The following SMARCC2 variants were observed in gnomAD, a reference collection of about 807,000 sequenced individuals.
SMARCC2 encodes SWI/SNF complex subunit SMARCC2.
A neutral mutation model predicts 151.3 loss-of-function variants in SMARCC2; 15 were observed. That is an observed-to-expected ratio of 0.10 (90% CI 0.07 to 0.15). SMARCC2 has a LOEUF of 0.15. SMARCC2 is among the 10% of genes least tolerant of loss of function. The pLI is 1.00. For missense variants in SMARCC2, 1,031 were observed against 1,599.7 expected (o/e 0.64, Z 6.06); for synonymous variants, 590 against 609.5 (o/e 0.97, Z 0.47).
At chr12:56,181,215 C>G in intron 10 of SMARCC2, 114 bp from the exon 11 acceptor site, 1 of 1,030,646 alleles carries the variant, frequency 9.7e-7, no homozygotes, top group East Asian at 2.4e-5. Context: ...GAGCTGAGTA[C>G]AAACAGAAAC....
intron 25 of SMARCC2, 129 bp from the exon 26 acceptor site, chr12:56,168,323 GC>G (rs1873226631): frequency 4.9e-6 from 5 of 1,030,546 alleles, no homozygotes; most frequent in Non-Finnish European, 7.1e-6. Context: ...TGGTGAAAGG[GC>G]TTGACTTTTT....
rs1314725854 is a variant in SMARCC2 at position 56,178,152 on chromosome 12, A to T, written c.1311-59T>A. 8.9e-6 allele frequency: 12 copies of T among 1,353,886 alleles called. No homozygotes were observed. In the East Asian group the frequency reaches 2.3e-4, roughly 26 times the overall value. 83.9% of individuals were successfully genotyped at this position (1,353,886 alleles called of 1,614,324 possible). On this transcript the variant is annotated intron_variant, in intron 14 of 28. Transcript: ENST00000550164. ...GCATTGGTGAAGGGATGGGGGCCCC[A>T]AAGGGAGGAAAAGCCTAGAAGGCAA...
intron 13 of SMARCC2, 126 bp from the exon 14 acceptor site, chr12:56,178,660 C>T: frequency 6.8e-7 from 1 of 1,479,258 alleles, no homozygotes; most frequent in Non-Finnish European, 9.4e-7. Flanking sequence ...TCATGGGCCC[C>T]AGGACTCTGA....
rs760742155 is a variant in SMARCC2 at position 56,178,538 on chromosome 12, C to A, written c.1180-4G>T. 1 of 1,614,180 alleles carries A rather than the reference C, an allele frequency of 6.2e-7. No individual in the cohort carries two copies. Among genetic ancestry groups the A allele is most frequent in the South Asian group, 1.1e-5 (1 of 91,086 alleles). Reference sequence around the variant, plus strand: ...CCGTACTGTTCTCATCCTCATCCTACGAGTATGGAGGCTGCTGGACACTCA... The same window carrying A: ...CCGTACTGTTCTCATCCTCATCCTAAGAGTATGGAGGCTGCTGGACACTCA... On this transcript the variant is annotated splice_polypyrimidine_tract_variant and splice_region_variant and intron_variant, in intron 13 of 28. Transcript: ENST00000550164.
chr12:56,178,777 TAG>T (rs1565912698), intron 13 of SMARCC2, 31 bp downstream of exon 13: 2 of 1,601,906 alleles, frequency 1.2e-6, no homozygotes, highest in East Asian at 2.2e-5. Flanking sequence ...CAGAATCACA[TAG>T]AGAGGTAGGG....
At position 56,171,126 on chromosome 12, in the gene SMARCC2, TA is replaced by T; in HGVS notation, c.2347+144del. The T allele has an allele frequency of 1.3e-6, 1 of 757,670 alleles. No individual in the cohort carries two copies. The highest frequency in any genetic ancestry group is 2.1e-6 in the Non-Finnish European group (1 of 473,968). 46.9% of individuals were successfully genotyped at this position (757,670 alleles called of 1,614,324 possible). On this transcript the variant is annotated intron_variant, in intron 22 of 28. Coordinates refer to ENST00000550164, the MANE Select transcript of SMARCC2 (RefSeq NM_001330288.2). This position sits in a 1 kb window ranked among gnomAD's most constrained non-coding sequence, Gnocchi z 4.2. ...TAGTAGGGCTCCAGAGCCCCTGAGG[TA>T]AACTCATGGGGAAAATAAAAACCCT...
Position 56,164,499 on chromosome 12 carries a change from C to T in SMARCC2, c.3465G>A (p.Pro1155=), listed in dbSNP as rs143965010. 26 of 1,613,992 alleles carry T rather than the reference C, an allele frequency of 1.6e-5. No homozygotes were observed. Among genetic ancestry groups the T allele is most frequent in the African/African-American group, 1.1e-4 (8 of 74,978 alleles). The change falls in exon 28 of 29, where the codon CCG becomes CCA. Residue 1155 remains proline (P), a synonymous_variant. Transcript: ENST00000550164. ...PNLHGHHHHL[P]FAPGTLPPPN... ...GTGGGGGGAGAGTGCCCGGGGCGAA[C>T]GGGAGATGGTGGTGATGCCCATGCA...
At chr12:56,184,968 G>C in intron 4 of SMARCC2, 32 bp from the exon 5 acceptor site, 1 of 1,594,296 alleles carries the variant, frequency 6.3e-7, no homozygotes, top group African/African-American at 1.3e-5. Context: ...TGAGATTATA[G>C]GAAAGGGGTG....
At chr12:56,175,931 T>G (rs1168828736) in intron 15 of SMARCC2, among the ~76,000 whole-genome samples, 7 of 152,132 alleles carry the variant, frequency 4.6e-5, no homozygotes, top group Non-Finnish European at 2.9e-5. Flanking sequence ...AGATCTTGGC[T>G]CACTGCAACC....
chr12:56,172,770 GA>G, intron 18 of SMARCC2, 66 bp from the exon 19 acceptor site: 3 of 1,603,858 alleles, frequency 1.9e-6, no homozygotes, highest in Non-Finnish European at 2.5e-6. Flanking sequence ...CTGACAGAGA[GA>G]AAAAACAGAC....
chr12:56,166,817 G>C (rs968599336), intron 26 of SMARCC2, among the ~76,000 whole-genome samples: 1 of 151,762 alleles, frequency 6.6e-6, no homozygotes, highest in Non-Finnish European at 1.5e-5. Flanking sequence ...AAATCCCAGC[G>C]CTTTGGGAGG....
At chr12:56,165,841 C>T (rs763322914) in intron 26 of SMARCC2, 142 bp from the exon 27 acceptor site, 24 of 786,844 alleles carry the variant, frequency 3.1e-5, no homozygotes, top group Non-Finnish European at 4.8e-5. Flanking sequence ...GCTTGTGCTC[C>T]CTCTGTCCTC....
chr12:56,164,234 C>T, intron 28 of SMARCC2, 69 bp downstream of exon 28: 3 of 1,443,074 alleles, frequency 2.1e-6, no homozygotes, highest in South Asian at 1.2e-5. Flanking sequence ...TCTTCCCCAC[C>T]TGCCCGCTCA....
At chr12:56,172,254 A>G in intron 20 of SMARCC2, 174 bp downstream of exon 20, 1 of 583,520 alleles carries the variant, frequency 1.7e-6, no homozygotes, top group Non-Finnish European at 2.9e-6. Flanking sequence ...CTAATTTTTA[A>G]AATTTTTCGT....
rs1266488358 is a variant in SMARCC2, at chr12:56,163,140, T to TG, written c.*548dup. Reference sequence around the variant, plus strand: ...TCAGCGTAGGGTGGGGGAGGGGAGTTGGGGCCTTGACTTAGTCACTAAAAA... The same window carrying TG: ...TCAGCGTAGGGTGGGGGAGGGGAGTTGGGGGCCTTGACTTAGTCACTAAAAA... On this transcript the variant is annotated 3_prime_UTR_variant, in exon 29 of 29. Transcript: ENST00000550164. The TG allele has an allele frequency of 6.6e-6, 1 of 151,726 alleles. No homozygotes were observed. The highest frequency in any genetic ancestry group is 6.6e-5 in the Admixed American group (1 of 15,224). The allele number at this position is 151,726 out of a possible 1,614,324, so 9.4% of individuals were successfully genotyped here.
chr12:56,175,421 G>A lies in SMARCC2; in HGVS notation c.1383-657C>T, dbSNP rs538514945. Among the ~76,000 whole-genome samples the A allele has an allele frequency of 1.4e-4, 21 of 152,254 alleles. No individual in the cohort carries two copies. In the East Asian group the frequency reaches 2.1e-3, roughly 15 times the overall value. Reference sequence around the variant, plus strand: ...TGCATATAGCTAGTCAGCATACCACGGTAAAAAACATATGTTTTGAAGTTG... The same window carrying A: ...TGCATATAGCTAGTCAGCATACCACAGTAAAAAACATATGTTTTGAAGTTG... On this transcript the variant is annotated intron_variant, in intron 15 of 28. Coordinates refer to ENST00000550164, the MANE Select transcript of SMARCC2 (RefSeq NM_001330288.2).
At chr12:56,184,325 C>T in intron 5 of SMARCC2, 81 bp from the exon 6 acceptor site, 1 of 990,042 alleles carries the variant, frequency 1.0e-6, no homozygotes. Flanking sequence ...GCCTTCCTAA[C>T]CATATTTTGC....
rs1873531606 is a variant in SMARCC2, at chr12:56,169,652, T to C, written c.2592A>G (p.Glu864=). 6.2e-7 allele frequency: 1 copy of C among 1,614,170 alleles called. No individual in the cohort carries two copies. The highest frequency in any genetic ancestry group is 8.5e-7 in the Non-Finnish European group (1 of 1,180,022). The change falls in exon 25 of 29, where the codon GAA becomes GAG. Residue 864 remains glutamate (E), a synonymous_variant. Coordinates refer to ENST00000550164, the MANE Select transcript of SMARCC2 (RefSeq NM_001330288.2). The part of the protein sequence containing the change: ...KEKEPKEGQE[E]VLKEVVESEG... ...CAGACTCCACCACTTCCTTCAGCAC[T>C]TCCTCCTGCCCTTCCTTTGGCTCCT... is the stretch of plus-strand genomic sequence containing the variant.
chr12:56,166,815 G>A (rs956749806), intron 26 of SMARCC2, among the ~76,000 whole-genome samples: 2 of 152,178 alleles, frequency 1.3e-5, no homozygotes, highest in African/African-American at 4.8e-5. Flanking sequence ...TGAAATCCCA[G>A]CGCTTTGGGA....
Sources: gnomAD v4.1 joint callset for allele counts (sites outside exome capture counted in the v4.1 genomes callset) on GRCh38, gnomAD v4.1.1 for gene constraint, Gnocchi (gnomAD v3.1) non-coding constraint, MANE v1.5 for transcripts, NCBI Gene and HGNC (gene_info 2026-07-23, HGNC 2026-07-21) for gene names.